NIBAN2: variants seen among roughly 807,000 people sequenced by gnomAD.
NIBAN2 encodes niban apoptosis regulator 2.
NIBAN2 carries 36 observed loss-of-function variants against 81.8 expected under a neutral mutation model. The observed-to-expected ratio is 0.44, with a 90% CI of 0.34 to 0.58. The LOEUF (loss-of-function observed/expected upper bound fraction) is 0.58. Ranked by LOEUF, NIBAN2 falls within the 20% of genes least tolerant of loss-of-function variation. The pLI is 0.02. For synonymous variants in NIBAN2, 445 were observed against 441.6 expected (o/e 1.01, Z -0.10); for missense variants, 897 against 1,014.1 (o/e 0.88, Z 1.57).
At position 127,545,119 on chromosome 9, in the gene NIBAN2, G is replaced by A. The variant is rs889961605; in HGVS notation, c.56-13341C>T. Reference sequence around the variant, plus strand: ...GCCCCTCAGCTTCCTCCTCAGCGGAGGAAATCTGGCCTCTGGCCTTGGGGT... The same window carrying A: ...GCCCCTCAGCTTCCTCCTCAGCGGAAGAAATCTGGCCTCTGGCCTTGGGGT... On this transcript the variant is annotated intron_variant, in intron 1 of 13. Coordinates refer to ENST00000373312, the MANE Select transcript of NIBAN2 (RefSeq NM_022833.4). This position sits in a 1 kb window ranked among gnomAD's most constrained non-coding sequence, Gnocchi z 4.7. Among the ~76,000 whole-genome samples, 2 of 152,162 alleles carry A rather than the reference G, an allele frequency of 1.3e-5. No individual in the cohort carries two copies. Among genetic ancestry groups the A allele is most frequent in the African/African-American group, 4.8e-5 (2 of 41,436 alleles).
At chr9:127,519,437 T>C (rs1321907464) in intron 5 of NIBAN2, among the ~76,000 whole-genome samples, 1 of 151,978 alleles carries the variant, frequency 6.6e-6, no homozygotes, top group Non-Finnish European at 1.5e-5. Flanking sequence ...GCCGCGTGCC[T>C]CTGACCACCG....
Position 127,508,858 on chromosome 9 carries a change from G to A in NIBAN2, c.1317+118C>T, listed in dbSNP as rs1261852247. 2.4e-5 allele frequency: 28 copies of A among 1,144,550 alleles called. No homozygotes were observed. The highest frequency in any genetic ancestry group is 1.7e-4 in the African/African-American group (11 of 65,344). The allele number at this position is 1,144,550 out of a possible 1,614,324, so 70.9% of individuals were successfully genotyped here. A position where few individuals can be genotyped will look rare whatever the true frequency, so the allele number is the denominator to read the frequency against. On this transcript the variant is annotated intron_variant, in intron 10 of 13. Coordinates refer to ENST00000373312, the MANE Select transcript of NIBAN2 (RefSeq NM_022833.4). This position sits in a 1 kb window ranked among gnomAD's most constrained non-coding sequence, Gnocchi z 6.4. ...TGTTCCAAGCAGAGGAGGAGAGAGCGTGCCAGGCAAGCGTGGCTATGGCAT... is the reference window on the plus strand; with the variant it reads ...TGTTCCAAGCAGAGGAGGAGAGAGCATGCCAGGCAAGCGTGGCTATGGCAT...
upstream of NIBAN2, among the ~76,000 whole-genome samples, chr9:127,571,899 C>T (rs4240418): frequency 0.73 from 110,287 of 151,996 alleles, 40,176 homozygotes; most frequent in Middle Eastern, 0.77. Flanking sequence ...CTGGAGGGAA[C>T]TTTAGGGGGA....
At chr9:127,564,670 C>T (rs1158536444) in intron 1 of NIBAN2, among the ~76,000 whole-genome samples, 3 of 152,000 alleles carry the variant, frequency 2.0e-5, no homozygotes, top group Non-Finnish European at 4.4e-5. Flanking sequence ...GTCAGGAGTT[C>T]AAGACCAGCC....
chr9:127,534,725 A>T (rs1837242843), intron 1 of NIBAN2, among the ~76,000 whole-genome samples: 1 of 152,160 alleles, frequency 6.6e-6, no homozygotes, highest in Non-Finnish European at 1.5e-5. Flanking sequence ...GAAGGGGAGA[A>T]CAAATGAGGA....
rs1836603018 is a variant in NIBAN2, at chr9:127,506,721, CCA to C, written c.*122_*123del. 1 of 810,766 alleles carries C rather than the reference CCA, an allele frequency of 1.2e-6. No individual in the cohort carries two copies. Among genetic ancestry groups the C allele is most frequent in the African/African-American group, 1.8e-5 (1 of 56,874 alleles). The allele number at this position is 810,766 out of a possible 1,614,324, so 50.2% of individuals were successfully genotyped here. On this transcript the variant is annotated 3_prime_UTR_variant, in exon 14 of 14. Coordinates refer to ENST00000373312, the MANE Select transcript of NIBAN2 (RefSeq NM_022833.4). ...CAGGTGGGCCCGCTCCCTGGCGGTG[CCA>C]CACAGCCCTGCCCCGCCTCCACCCA...
upstream of NIBAN2, among the ~76,000 whole-genome samples, chr9:127,569,605 A>T (rs10046910): frequency 0.73 from 110,402 of 151,540 alleles, 40,343 homozygotes; most frequent in Middle Eastern, 0.77. Context: ...CCCCTCCTCT[A>T]CCCTGAACAG....
rs200164544 is a variant in NIBAN2, at chr9:127,517,157, C to T, written c.765G>A (p.Pro255=). ...GCTCCTGCGGTTTCCCCTTCAGCCG[C>T]GGGCCGAGCTCTGCCTTCAGCTCAG... ...LGPELKAELG[P]RLKGKPQERQ... Residue 255 remains proline (P), a synonymous_variant, in exon 7 of 14, where the codon CCG becomes CCA. Transcript: ENST00000373312. This position sits in a 1 kb window ranked among gnomAD's most constrained non-coding sequence, Gnocchi z 4.0. 9.2e-5 allele frequency: 148 copies of T among 1,614,038 alleles called. No individual in the cohort carries two copies. Among genetic ancestry groups the T allele is most frequent in the East Asian group, 7.6e-4 (34 of 44,884 alleles).
intron 2 of NIBAN2, among the ~76,000 whole-genome samples, 185 bp from the exon 3 acceptor site, chr9:127,527,507 G>C (rs951101504): frequency 6.6e-6 from 1 of 152,202 alleles, no homozygotes; most frequent in South Asian, 2.1e-4. Context: ...TTCTGCAGAG[G>C]AGGAGCGAGA....
At chr9:127,518,069 C>A in intron 5 of NIBAN2, 128 bp from the exon 6 acceptor site, 1 of 600,338 alleles carries the variant, frequency 1.7e-6, no homozygotes. Flanking sequence ...CAGCTGGGAC[C>A]CTCACTTTCC....
At chr9:127,549,418 C>G (rs149694925) in intron 1 of NIBAN2, among the ~76,000 whole-genome samples, 4 of 152,120 alleles carry the variant, frequency 2.6e-5, no homozygotes, top group African/African-American at 9.7e-5. Flanking sequence ...CACGCCCACA[C>G]GCATGCACTC....
Position 127,508,852 on chromosome 9 carries a change from G to A in NIBAN2, c.1317+124C>T. The A allele has an allele frequency of 9.1e-7, 1 of 1,097,092 alleles. No homozygotes were observed. Among genetic ancestry groups the A allele is most frequent in the Non-Finnish European group, 1.4e-6 (1 of 735,538 alleles). 68.0% of individuals were successfully genotyped at this position (1,097,092 alleles called of 1,614,324 possible). ...CACAGATGTTCCAAGCAGAGGAGGAGAGAGCGTGCCAGGCAAGCGTGGCTA... is the reference window on the plus strand; with the variant it reads ...CACAGATGTTCCAAGCAGAGGAGGAAAGAGCGTGCCAGGCAAGCGTGGCTA... On this transcript the variant is annotated intron_variant, in intron 10 of 13. Transcript: ENST00000373312. This position sits in a 1 kb window ranked among gnomAD's most constrained non-coding sequence, Gnocchi z 6.4.
intron 1 of NIBAN2, among the ~76,000 whole-genome samples, chr9:127,543,528 C>T (rs1265424298): frequency 6.6e-6 from 1 of 152,144 alleles, no homozygotes; most frequent in Middle Eastern, 3.2e-3. Context: ...GCTCTGATGG[C>T]CCCAAGAGAC....
At chr9:127,534,548 G>A (rs1046445034) in intron 1 of NIBAN2, among the ~76,000 whole-genome samples, 2 of 152,128 alleles carry the variant, frequency 1.3e-5, no homozygotes, top group African/African-American at 4.8e-5. Flanking sequence ...TCATAACCAG[G>A]GTCCCAGGCA....
chr9:127,540,344 G>A (rs1297821723), intron 1 of NIBAN2, among the ~76,000 whole-genome samples: 1 of 152,258 alleles, frequency 6.6e-6, no homozygotes. Context: ...AGGAGAGGAG[G>A]CTTGCTGAGC....
In NIBAN2 at chr9:127,510,340, C is replaced by T; in HGVS notation, c.974-7G>A. On this transcript the variant is annotated splice_region_variant and splice_polypyrimidine_tract_variant and intron_variant, in intron 8 of 13. Coordinates refer to ENST00000373312, the MANE Select transcript of NIBAN2 (RefSeq NM_022833.4). Reference sequence around the variant, plus strand: ...GCCTTGGGGAGGATGAAGGCTGTGCCCCGAGGGAGCCGGGTCAGCAGGGGC... The same window carrying T: ...GCCTTGGGGAGGATGAAGGCTGTGCTCCGAGGGAGCCGGGTCAGCAGGGGC... The T allele has an allele frequency of 1.9e-6, 3 of 1,584,912 alleles. No individual in the cohort carries two copies. Among genetic ancestry groups the T allele is most frequent in the Non-Finnish European group, 1.7e-6 (2 of 1,160,012 alleles).
intron 5 of NIBAN2, among the ~76,000 whole-genome samples, chr9:127,520,198 C>T (rs1361860346): frequency 6.6e-6 from 1 of 151,830 alleles, no homozygotes; most frequent in Non-Finnish European, 1.5e-5. Context: ...CCCCCAGTAC[C>T]CCAGAACGTG....
intron 1 of NIBAN2, among the ~76,000 whole-genome samples, chr9:127,554,978 TTAAAA>T (rs1837642326): frequency 6.6e-6 from 1 of 152,172 alleles, no homozygotes; most frequent in Admixed American, 6.5e-5. Context: ...AATAAAAAAA[TTAAAA>T]TAATCCATTA....
intron 1 of NIBAN2, among the ~76,000 whole-genome samples, chr9:127,552,935 G>T (rs910121590): frequency 6.6e-6 from 1 of 151,998 alleles, no homozygotes; most frequent in East Asian, 1.9e-4. Context: ...CAGGTGATCC[G>T]CCTGTCTCAG....
Sources: allele counts gnomAD v4.1 joint callset (sites outside exome capture counted in the v4.1 genomes callset), GRCh38; gene constraint gnomAD v4.1.1; non-coding constraint Gnocchi (gnomAD v3.1); transcripts MANE v1.5; gene names NCBI Gene and HGNC (gene_info 2026-07-23, HGNC 2026-07-21).